Variants in CCSER1 observed in about 807,000 individuals in gnomAD.
The protein encoded by CCSER1 is serine-rich coiled-coil domain-containing protein 1.
CCSER1 carries 41 observed loss-of-function variants against 82.0 expected under a neutral mutation model. The observed-to-expected ratio is 0.50, with a 90% CI of 0.39 to 0.65. The LOEUF (loss-of-function observed/expected upper bound fraction) is 0.65. Ranked by LOEUF, CCSER1 falls within the 30% of genes least tolerant of loss-of-function variation. The pLI is 0.00. For missense variants in CCSER1, 1,119 were observed against 1,064.2 expected, an observed-to-expected ratio of 1.05 and a Z score of -0.72; for synonymous variants, 414 against 383.9, an observed-to-expected ratio of 1.08 and a Z score of -0.92.
At chr4:90,499,149 T>C (rs1331923023) in intron 5 of CCSER1, among the ~76,000 whole-genome samples, 3 of 152,014 alleles carry the variant, frequency 2.0e-5, no homozygotes, top group Admixed American at 6.6e-5. Flanking sequence ...TGTGTGTTTG[T>C]GTGTATTTGT....
intron 3 of CCSER1, among the ~76,000 whole-genome samples, chr4:90,331,589 A>G (rs1739296801): frequency 6.6e-6 from 1 of 152,248 alleles, no homozygotes; most frequent in Non-Finnish European, 1.5e-5. Context: ...TAGAATAAGT[A>G]AGAAATTACT....
Position 90,719,896 on chromosome 4 carries a change from T to C in CCSER1, c.1933-4018T>C, listed in dbSNP as rs200694340. Among the ~76,000 whole-genome samples the C allele has an allele frequency of 8.5e-5, 13 of 152,308 alleles. No individual in the cohort carries two copies. The East Asian group carries it at 2.5e-3, about 29-fold the overall frequency. ...GGAATAGGGTGTTAAGTTTCATCTC[T>C]TGAAGAGAACTAGCTAAATGAATTA... On this transcript the variant is annotated intron_variant, in intron 6 of 10. Coordinates refer to ENST00000509176, the MANE Select transcript of CCSER1 (RefSeq NM_001145065.2).
intron 1 of CCSER1, among the ~76,000 whole-genome samples, chr4:90,170,581 A>G (rs920907531): frequency 2.0e-5 from 3 of 149,914 alleles, no homozygotes; most frequent in Admixed American, 1.3e-4. Flanking sequence ...TCATGAGTTC[A>G]TTTTTTTTTA....
chr4:90,557,176 A>G (rs1778244588), intron 5 of CCSER1, among the ~76,000 whole-genome samples: 1 of 152,008 alleles, frequency 6.6e-6, no homozygotes, highest in Non-Finnish European at 1.5e-5. Flanking sequence ...TTCTGGAGTT[A>G]CCATCTGTAA....
chr4:91,327,200 G>A (rs545605252), intron 10 of CCSER1, among the ~76,000 whole-genome samples: 75 of 152,286 alleles, frequency 4.9e-4, no homozygotes, highest in African/African-American at 1.4e-3. Flanking sequence ...GAGTTTCTCC[G>A]TGAGGGCTCT....
intron 1 of CCSER1, among the ~76,000 whole-genome samples, chr4:90,276,703 G>A (rs1304326206): frequency 1.3e-5 from 2 of 152,118 alleles, no homozygotes; most frequent in Non-Finnish European, 2.9e-5. Context: ...TCAGAACTGA[G>A]GAAGAGGAGA....
chr4:90,778,565 C>A (rs193143549), intron 7 of CCSER1, among the ~76,000 whole-genome samples: 3 of 149,318 alleles, frequency 2.0e-5, no homozygotes, highest in African/African-American at 7.4e-5. Context: ...CATACACTAA[C>A]ATATTTTTTA....
intron 5 of CCSER1, among the ~76,000 whole-genome samples, chr4:90,491,209 A>G (rs187640122): frequency 2.6e-4 from 40 of 152,200 alleles, no homozygotes; most frequent in Middle Eastern, 3.4e-3. Context: ...AGTGGTTTGA[A>G]GTTCTCCTTG....
At chr4:90,219,826 G>A (rs982467144) in intron 1 of CCSER1, among the ~76,000 whole-genome samples, 4 of 152,218 alleles carry the variant, frequency 2.6e-5, no homozygotes, top group South Asian at 2.1e-4. Context: ...TGAGTTAAAT[G>A]CTAGAACTCT....
chr4:91,095,948 A>G (rs957191028), intron 10 of CCSER1, among the ~76,000 whole-genome samples: 7 of 152,068 alleles, frequency 4.6e-5, no homozygotes, highest in African/African-American at 1.4e-4. Context: ...TTCACCTTTC[A>G]TCTGTGTTAA....
chr4:90,222,683 T>A (rs1742366276), intron 1 of CCSER1, among the ~76,000 whole-genome samples: 1 of 152,210 alleles, frequency 6.6e-6, no homozygotes, highest in Non-Finnish European at 1.5e-5. Flanking sequence ...TTTCCTTGTT[T>A]TCAATGTATA....
At chr4:90,188,829 ACT>A (rs1195337431) in intron 1 of CCSER1, among the ~76,000 whole-genome samples, 18 of 152,074 alleles carry the variant, frequency 1.2e-4, no homozygotes, top group African/African-American at 4.3e-4. Flanking sequence ...TCATATTAAC[ACT>A]CTTCAAAGAG....
chr4:90,189,768 ATT>A, intron 1 of CCSER1, among the ~76,000 whole-genome samples: 1 of 152,084 alleles, frequency 6.6e-6, no homozygotes, highest in African/African-American at 2.4e-5. Flanking sequence ...TTCATTAAGC[ATT>A]CTTACAATTT....
At chr4:91,233,156 A>C in intron 10 of CCSER1, among the ~76,000 whole-genome samples, 1 of 151,870 alleles carries the variant, frequency 6.6e-6, no homozygotes, top group Non-Finnish European at 1.5e-5. Context: ...GAAAGGGGCA[A>C]TAAATGATCC....
At chr4:90,830,169 T>G (rs1485181753) in intron 8 of CCSER1, among the ~76,000 whole-genome samples, 1 of 152,176 alleles carries the variant, frequency 6.6e-6, no homozygotes, top group Non-Finnish European at 1.5e-5. Flanking sequence ...CGCTCATGCT[T>G]AACTACAGCA....
At chr4:90,571,926 T>A (rs554154836) in intron 5 of CCSER1, among the ~76,000 whole-genome samples, 84 of 152,320 alleles carry the variant, frequency 5.5e-4, no homozygotes, top group African/African-American at 2.0e-3. Flanking sequence ...TGCAGCACTA[T>A]TAGAGTATTA....
intron 10 of CCSER1, among the ~76,000 whole-genome samples, chr4:91,403,832 A>G (rs555589666): frequency 2.0e-3 from 297 of 152,288 alleles, no homozygotes; most frequent in Non-Finnish European, 3.0e-3. Context: ...ATCGATGTTC[A>G]TCAGGGATAT....
intron 7 of CCSER1, among the ~76,000 whole-genome samples, chr4:90,810,941 T>C (rs977162293): frequency 2.0e-5 from 3 of 147,552 alleles, no homozygotes; most frequent in African/African-American, 7.6e-5. Context: ...CACGCCATTC[T>C]CCTGCCTCAG....
At chr4:90,667,526 T>C (rs927431361) in intron 6 of CCSER1, among the ~76,000 whole-genome samples, 4 of 152,084 alleles carry the variant, frequency 2.6e-5, no homozygotes, top group Non-Finnish European at 5.9e-5. Context: ...CGGTGGGTGA[T>C]GTTCCCCTCC....
Sources: allele counts gnomAD v4.1 joint callset (sites outside exome capture counted in the v4.1 genomes callset), GRCh38; gene constraint gnomAD v4.1.1; transcripts MANE v1.5; gene names NCBI Gene and HGNC (gene_info 2026-07-23, HGNC 2026-07-21).